Variants in FES observed in about 807,000 individuals in gnomAD.
FES encodes the protein tyrosine-protein kinase Fes/Fps.
A neutral mutation model predicts 109.6 loss-of-function variants in FES; 83 were observed. The observed-to-expected ratio is 0.76, with a 90% CI of 0.63 to 0.91. The LOEUF (loss-of-function observed/expected upper bound fraction) is 0.91. Ranked by LOEUF, FES falls within the 40% of genes least tolerant of loss-of-function variation. The pLI is 0.00. For synonymous variants in FES, 458 were observed against 442.1 expected (o/e 1.04, Z -0.45); for missense variants, 943 against 1,070.9 (o/e 0.88, Z 1.67).
At position 90,890,437 on chromosome 15, in the gene FES, G is replaced by C. The variant is rs1478357798; in HGVS notation, c.1273G>C (p.Glu425Gln). The change falls in exon 10 of 19, where the codon GAG becomes CAG. Residue 425 changes from glutamate (E) to glutamine (Q), a missense_variant. By Grantham distance (29) the Glu-to-Gln change is conservative. Coordinates refer to ENST00000328850, the MANE Select transcript of FES (RefSeq NM_002005.4). ...AGAGGGGGGAAGGACACCCACGCTGGAGATCCTTAAGAGCCACATCTCAGG... is the reference window on the plus strand; with the variant it reads ...AGAGGGGGGAAGGACACCCACGCTGCAGATCCTTAAGAGCCACATCTCAGG... Reference protein sequence around the residue: ...EREGGRTPTLEILKSHISGIF... With the variant: ...EREGGRTPTLQILKSHISGIF... 5 of 1,613,000 alleles carry C rather than the reference G, an allele frequency of 3.1e-6. No homozygotes were observed. Among genetic ancestry groups the C allele is most frequent in the Non-Finnish European group, 4.2e-6 (5 of 1,179,906 alleles).
At chr15:90,894,092 G>A (rs756591867) in intron 18 of FES, 34 bp downstream of exon 18, 1 of 1,609,894 alleles carries the variant, frequency 6.2e-7, no homozygotes, top group East Asian at 2.2e-5. Flanking sequence ...GCCTCAGGCT[G>A]CACCCTCTTC....
chr15:90,890,293 C>G lies in FES; in HGVS notation c.1236+15C>G. The G allele has an allele frequency of 6.3e-7, 1 of 1,587,020 alleles. No individual in the cohort carries two copies. Among genetic ancestry groups the G allele is most frequent in the Non-Finnish European group, 8.6e-7 (1 of 1,168,690 alleles). On this transcript the variant is annotated intron_variant, in intron 9 of 18. Transcript: ENST00000328850. ...CGTCGTCCTCGGTGAGCTGCCCCAT[C>G]CGCGGCCGCTGCCCGCCACCGGCCT...
chr15:90,889,941 A>G lies in FES; in HGVS notation c.1028A>G (p.Glu343Gly), dbSNP rs139208515. 6.2e-6 allele frequency: 10 copies of G among 1,613,002 alleles called. No homozygotes were observed. In the African/African-American group the frequency reaches 1.3e-4, roughly 22 times the overall value. The part of the protein sequence containing the change: ...QLQQELRNEE[E>G]NTHPRERVQL... ...CAACAGGAGCTCCGGAATGAAGAGG[A>G]GAACACCCACCCCCGGGAGCGGTGA... Residue 343 changes from glutamate to glycine, a missense_variant, in exon 8 of 19, where the codon GAG (glutamate) becomes GGG (glycine). Glu to Gly is a moderately conservative substitution (Grantham distance 98). Coordinates refer to ENST00000328850, the MANE Select transcript of FES (RefSeq NM_002005.4). This position sits in a 1 kb window ranked among gnomAD's most constrained non-coding sequence, Gnocchi z 6.1.
At position 90,893,932 on chromosome 15, in the gene FES, G is replaced by T. The variant is rs1414903947; in HGVS notation, c.2204-4G>T. On this transcript the variant is annotated splice_polypyrimidine_tract_variant and splice_region_variant and intron_variant, in intron 17 of 18. Transcript: ENST00000328850. The stretch of plus-strand genomic sequence containing the variant: ...GCTGCCTCACCTCCTCGCCTCCTCT[G>T]CAGGCCGCTACTCCTCCGAAAGCGA... 12 of 1,613,536 alleles carry T rather than the reference G, an allele frequency of 7.4e-6. No homozygotes were observed. The highest frequency in any genetic ancestry group is 1.0e-5 in the Non-Finnish European group (12 of 1,179,986).
chr15:90,892,723 T>C lies in FES; in HGVS notation c.1724T>C (p.Val575Ala), dbSNP rs770246294. The C allele has an allele frequency of 1.9e-6, 3 of 1,610,272 alleles. No homozygotes were observed. Among genetic ancestry groups the C allele is most frequent in the Non-Finnish European group, 2.5e-6 (3 of 1,178,436 alleles). The change falls in exon 14 of 19, where the codon GTG becomes GCG. Residue 575 changes from valine (V) to alanine (A), a missense_variant. By Grantham distance (64) the Val-to-Ala change is moderately conservative. Transcript: ENST00000328850. ...CCGTTTCAGGGGAACTTTGGCGAAG[T>C]GTTCAGCGGACGCCTGCGAGCCGAC... ...EQIGRGNFGE[V>A]FSGRLRADNT...
rs146754390 is a variant in FES at position 90,891,058 on chromosome 15, C to T, written c.1397C>T (p.Pro466Leu). ...HEQLWYHGAI[P>L]RAEVAELLVH... ...CAGCTGTGGTACCACGGGGCCATCC[C>T]GAGGGCAGAGGTGGCTGAGCTGCTG... Residue 466 changes from proline (P) to leucine (L), a missense_variant, in exon 11 of 19, where the codon CCG (proline) becomes CTG (leucine). Transcript: ENST00000328850. 367 of 1,598,738 alleles carry T rather than the reference C, an allele frequency of 2.3e-4. No homozygotes were observed. The Middle Eastern group carries it at 3.8e-3, about 17-fold the overall frequency.
rs1170471078 is a variant in FES at position 90,889,530 on chromosome 15, G to C, written c.820G>C (p.Val274Leu). 1.9e-6 allele frequency: 3 copies of C among 1,613,842 alleles called. No homozygotes were observed. ...TGTCCCCCACAGGTCCGCACCTGAC[G>C]TCCCACCCTGTGTCACGTTCGATGA... ...FLRQYGSAPD[V>L]PPCVTFDESL... is the part of the protein sequence containing the mutation. Residue 274 changes from valine to leucine, a missense_variant, in exon 7 of 19, where the codon GTC becomes CTC. Val to Leu is a conservative substitution (Grantham distance 32). Coordinates refer to ENST00000328850, the MANE Select transcript of FES (RefSeq NM_002005.4). This position sits in a 1 kb window ranked among gnomAD's most constrained non-coding sequence, Gnocchi z 6.1.
chr15:90,893,576 C>G, intron 16 of FES, 78 bp from the exon 17 acceptor site: 1 of 1,508,808 alleles, frequency 6.6e-7, no homozygotes. Context: ...AGCTTTTGTC[C>G]TTGGCTTTCC....
chr15:90,892,505 G>A (rs1435783097), intron 13 of FES: 2 of 586,446 alleles, frequency 3.4e-6, no homozygotes, highest in Non-Finnish European at 6.1e-6. Flanking sequence ...TCTCAGGAAG[G>A]GTGGCACATC....
intron 3 of FES, among the ~76,000 whole-genome samples, chr15:90,885,966 CCA>C (rs34029266): frequency 0.28 from 42,234 of 151,900 alleles, 6,114 homozygotes; most frequent in Non-Finnish European, 0.33. Context: ...TCTCAGGGCC[CCA>C]GAGACTGGGC....
At position 90,889,546 on chromosome 15, in the gene FES, C is replaced by A; in HGVS notation, c.836C>A (p.Thr279Lys). Residue 279 changes from threonine (T) to lysine (K), a missense_variant, in exon 7 of 19, where the codon ACG (threonine) becomes AAG (lysine). Coordinates refer to ENST00000328850, the MANE Select transcript of FES (RefSeq NM_002005.4). This position sits in a 1 kb window ranked among gnomAD's most constrained non-coding sequence, Gnocchi z 6.1. ...GSAPDVPPCV[T>K]FDESLLEEGE... ...GCACCTGACGTCCCACCCTGTGTCA[C>A]GTTCGATGAGTCACTGCTTGAGGAG... 3 of 1,613,858 alleles carry A rather than the reference C, an allele frequency of 1.9e-6. No homozygotes were observed. Among genetic ancestry groups the A allele is most frequent in the Non-Finnish European group, 1.7e-6 (2 of 1,180,014 alleles).
chr15:90,890,557 G>C (rs2033117754), intron 10 of FES, 73 bp downstream of exon 10: 1 of 1,388,980 alleles, frequency 7.2e-7, no homozygotes, highest in African/African-American at 1.4e-5. Context: ...CTAGAGAGGA[G>C]GCTCTGCCCA....
At position 90,889,361 on chromosome 15, in the gene FES, G is replaced by T; in HGVS notation, c.724G>T (p.Val242Leu). The change falls in exon 6 of 19, where the codon GTG becomes TTG. Residue 242 changes from valine to leucine, a missense_variant. Val to Leu is a conservative substitution (Grantham distance 32, BLOSUM62 1). Transcript: ENST00000328850. This position sits in a 1 kb window ranked among gnomAD's most constrained non-coding sequence, Gnocchi z 6.1. ...TAGCAGCCTGGTGCAGGATGAGGTG[G>T]TGGCCATTCACCGGGAGATGGCTGC... ...EISSLVQDEV[V>L]AIHREMAAAA... 1 of 1,614,058 alleles carries T rather than the reference G, an allele frequency of 6.2e-7. No individual in the cohort carries two copies. The highest frequency in any genetic ancestry group is 8.5e-7 in the Non-Finnish European group (1 of 1,180,028).
rs139407115 is a variant in FES, at chr15:90,892,851, C to T, written c.1826+26C>T. 2,831 of 1,594,602 alleles carry T rather than the reference C, an allele frequency of 1.8e-3. 49 individuals carry two copies. The South Asian group carries it at 0.026, about 15-fold the overall frequency. ...GTGGGTGATAAACTAATGATCACCACGGGTCCCGCATACACAGAGGTTACA... is the reference window on the plus strand; with the variant it reads ...GTGGGTGATAAACTAATGATCACCATGGGTCCCGCATACACAGAGGTTACA... On this transcript the variant is annotated intron_variant, in intron 14 of 18. Transcript: ENST00000328850.
In FES at chr15:90,890,978, C is replaced by T; in HGVS notation, c.1321-4C>T. ...TGACTCCTCCTCGATCCTCCCTTGC[C>T]CAGCTCCCTCCACCGCTGCAGCTCA... On this transcript the variant is annotated splice_region_variant and splice_polypyrimidine_tract_variant and intron_variant, in intron 10 of 18. Coordinates refer to ENST00000328850, the MANE Select transcript of FES (RefSeq NM_002005.4). 1.9e-6 allele frequency: 3 copies of T among 1,578,022 alleles called. No individual in the cohort carries two copies. The highest frequency in any genetic ancestry group is 2.6e-6 in the Non-Finnish European group (3 of 1,162,384).
At position 90,893,429 on chromosome 15, in the gene FES, G is replaced by A; in HGVS notation, c.2045+15G>A. On this transcript the variant is annotated intron_variant, in intron 16 of 18. Coordinates refer to ENST00000328850, the MANE Select transcript of FES (RefSeq NM_002005.4). ...TGCATCCACCGGTGAGTGGGCGGTG[G>A]CCACGGGCCCTGCCAACACCCCCGA... is the stretch of plus-strand genomic sequence containing the variant. 2.6e-6 allele frequency: 4 copies of A among 1,529,274 alleles called. No homozygotes were observed. The highest frequency in any genetic ancestry group is 2.6e-5 in the South Asian group (2 of 78,346). 94.7% of individuals were successfully genotyped at this position (1,529,274 alleles called of 1,614,324 possible).
chr15:90,891,576 A>T lies in FES; in HGVS notation c.1553A>T (p.Glu518Val). 1 of 1,613,670 alleles carries T rather than the reference A, an allele frequency of 6.2e-7. No homozygotes were observed. The highest frequency in any genetic ancestry group is 2.2e-5 in the East Asian group (1 of 44,848). ...SLDNLYRLEG[E>V]GFPSIPLLID... Reference sequence around the variant, plus strand: ...CAGAACCTGTACCGACTGGAAGGGGAAGGCTTTCCTAGCATTCCTTTGCTC... The same window carrying T: ...CAGAACCTGTACCGACTGGAAGGGGTAGGCTTTCCTAGCATTCCTTTGCTC... Residue 518 changes from glutamate to valine, a missense_variant, in exon 12 of 19, where the codon GAA (glutamate) becomes GTA (valine). By Grantham distance (121) the Glu-to-Val change is moderately radical. Coordinates refer to ENST00000328850, the MANE Select transcript of FES (RefSeq NM_002005.4).
chr15:90,894,272 A>C (rs2033508712), intron 18 of FES, among the ~76,000 whole-genome samples: 1 of 152,094 alleles, frequency 6.6e-6, no homozygotes, highest in Non-Finnish European at 1.5e-5. Context: ...CAACACAGTG[A>C]AACTCCATCT....
Position 90,886,949 on chromosome 15 carries a change from C to T in FES, c.388-12C>T, listed in dbSNP as rs767353567. 4.3e-6 allele frequency: 7 copies of T among 1,613,826 alleles called. No homozygotes were observed. In the Admixed American group the frequency reaches 6.7e-5, roughly 15 times the overall value. On this transcript the variant is annotated splice_polypyrimidine_tract_variant and intron_variant, in intron 3 of 18. Coordinates refer to ENST00000328850, the MANE Select transcript of FES (RefSeq NM_002005.4). ...ACCTGCTGCCCCACACTGGCCTCTC[C>T]TCTCTCCCTAGACCCACAGCCAGGA...
Sources: gnomAD v4.1 joint callset for allele counts (sites outside exome capture counted in the v4.1 genomes callset) on GRCh38, gnomAD v4.1.1 for gene constraint, Gnocchi (gnomAD v3.1) non-coding constraint, MANE v1.5 for transcripts, NCBI Gene and HGNC (gene_info 2026-07-23, HGNC 2026-07-21) for gene names.